HTR1F: variants seen among roughly 807,000 people sequenced by gnomAD.
HTR1F encodes 5-hydroxytryptamine receptor 1F, also known as 5-hydroxytryptamine (serotonin) receptor 1F, G protein-coupled.
A neutral mutation model predicts 24.0 loss-of-function variants in HTR1F; 17 were observed. The observed-to-expected ratio is 0.71, with a 90% CI of 0.48 to 1.06. The LOEUF (loss-of-function observed/expected upper bound fraction) is 1.06. Ranked by LOEUF, HTR1F falls within the 50% of genes least tolerant of loss-of-function variation. HTR1F has a pLI of 0.00. For missense variants in HTR1F, 391 were observed against 427.8 expected (o/e 0.91, Z 0.76); for synonymous variants, 186 against 156.8 (o/e 1.19, Z -1.39).
chr3:87,810,627 C>G (rs1704144332), intron 1 of HTR1F, among the ~76,000 whole-genome samples: 1 of 152,126 alleles, frequency 6.6e-6, no homozygotes, highest in African/African-American at 2.4e-5. Context: ...TTCCATCAAA[C>G]TGAATCACAC....
intron 1 of HTR1F, among the ~76,000 whole-genome samples, chr3:87,795,853 A>G (rs1703895709): frequency 6.6e-6 from 1 of 152,216 alleles, no homozygotes; most frequent in Admixed American, 6.5e-5. Context: ...AATGAACAGA[A>G]ATAGGCAAAA....
intron 2 of HTR1F, among the ~76,000 whole-genome samples, chr3:87,919,853 C>A (rs186064805): frequency 6.6e-6 from 1 of 151,964 alleles, no homozygotes; most frequent in Admixed American, 6.6e-5. Flanking sequence ...TTTGATCCAG[C>A]AATCCCACTA....
At chr3:87,890,178 G>T (rs1706045501) in intron 2 of HTR1F, among the ~76,000 whole-genome samples, 2 of 152,160 alleles carry the variant, frequency 1.3e-5, no homozygotes, top group Non-Finnish European at 2.9e-5. Flanking sequence ...TTGATGAAGG[G>T]TTTGCTCTTT....
intron 2 of HTR1F, among the ~76,000 whole-genome samples, chr3:87,835,424 C>T (rs1704664336): frequency 1.3e-5 from 2 of 152,262 alleles, no homozygotes; most frequent in Admixed American, 6.5e-5. Context: ...TGAGCCTGGT[C>T]AAAATGGTTA....
At chr3:87,811,975 T>C (rs1704167940) in intron 1 of HTR1F, among the ~76,000 whole-genome samples, 2 of 152,186 alleles carry the variant, frequency 1.3e-5, no homozygotes, top group African/African-American at 4.8e-5. Context: ...TCATATGCAC[T>C]CTCACCTGCC....
At chr3:87,891,645 C>T (rs1706089399) in intron 2 of HTR1F, among the ~76,000 whole-genome samples, 1 of 152,090 alleles carries the variant, frequency 6.6e-6, no homozygotes. Flanking sequence ...TCTTCTAAAC[C>T]CTCTTTATGT....
chr3:87,969,826 C>T lies in HTR1F; in HGVS notation c.-42-20882C>T, dbSNP rs117708689. Among the ~76,000 whole-genome samples the T allele has an allele frequency of 4.9e-4, 74 of 152,268 alleles. No individual in the cohort carries two copies. The East Asian group carries it at 9.9e-3, about 20-fold the overall frequency. ...ATGTCAAATTGTAGCTTCTATATTT[C>T]CCACGTGTTGTGGGAGGGACCCAGA... On this transcript the variant is annotated intron_variant, in intron 2 of 2. Coordinates refer to ENST00000319595, the MANE Select transcript of HTR1F (RefSeq NM_001322209.2).
chr3:87,918,093 C>A (rs370644355), intron 2 of HTR1F, among the ~76,000 whole-genome samples: 1 of 151,904 alleles, frequency 6.6e-6, no homozygotes, highest in Non-Finnish European at 1.5e-5. Context: ...TGATATACCA[C>A]ATAAACAGCA....
At chr3:87,857,376 A>G (rs1459081440) in intron 2 of HTR1F, among the ~76,000 whole-genome samples, 1 of 152,136 alleles carries the variant, frequency 6.6e-6, no homozygotes, top group African/African-American at 2.4e-5. Context: ...TAGGAAATAG[A>G]TGTTTTTAAA....
At chr3:87,969,357 C>A (rs1705238017) in intron 2 of HTR1F, among the ~76,000 whole-genome samples, 1 of 152,210 alleles carries the variant, frequency 6.6e-6, no homozygotes, top group Non-Finnish European at 1.5e-5. Flanking sequence ...CTGTACCCTG[C>A]AAATCCACAG....
intron 2 of HTR1F, among the ~76,000 whole-genome samples, chr3:87,946,370 G>A (rs1337224776): frequency 6.6e-6 from 1 of 152,136 alleles, no homozygotes; most frequent in Non-Finnish European, 1.5e-5. Flanking sequence ...GGGCCCCAAA[G>A]AGGGTAGCCT....
intron 2 of HTR1F, among the ~76,000 whole-genome samples, chr3:87,853,986 A>G (rs975952226): frequency 6.6e-6 from 1 of 151,820 alleles, no homozygotes; most frequent in African/African-American, 2.4e-5. Context: ...TGCATGAATG[A>G]CTGCTTTTTA....
chr3:87,864,776 A>T (rs1705387802), intron 2 of HTR1F, among the ~76,000 whole-genome samples: 1 of 151,850 alleles, frequency 6.6e-6, no homozygotes, highest in African/African-American at 2.4e-5. Flanking sequence ...AGCACCTGTA[A>T]TCCCCGCTAC....
At chr3:87,861,205 A>C (rs1396182542) in intron 2 of HTR1F, among the ~76,000 whole-genome samples, 1 of 152,162 alleles carries the variant, frequency 6.6e-6, no homozygotes, top group Non-Finnish European at 1.5e-5. Context: ...ATTATATCTA[A>C]GAAAGTATGC....
At chr3:87,931,308 T>C (rs1227417123) in intron 2 of HTR1F, among the ~76,000 whole-genome samples, 5 of 152,142 alleles carry the variant, frequency 3.3e-5, no homozygotes, top group Non-Finnish European at 7.4e-5. Context: ...GTTTGGTTTT[T>C]TGTCCTTGTG....
At chr3:87,968,883 T>C (rs13098473) in intron 2 of HTR1F, among the ~76,000 whole-genome samples, 77,895 of 152,078 alleles carry the variant, frequency 0.51, 22,832 homozygotes, top group South Asian at 0.71. Context: ...GGCCCCCCTG[T>C]TGTATGCAGC....
chr3:87,938,182 C>T lies in HTR1F; in HGVS notation c.-42-52526C>T, dbSNP rs569093280. Among the ~76,000 whole-genome samples, 6 of 152,122 alleles carry T rather than the reference C, an allele frequency of 3.9e-5. No individual in the cohort carries two copies. In the South Asian group the frequency reaches 1.0e-3, roughly 26 times the overall value. ...GAGAGCCAAATCAGGAACACAGTCC[C>T]GTTCACAATTGGCAAAAAGGATAAA... On this transcript the variant is annotated intron_variant, in intron 2 of 2. Coordinates refer to ENST00000319595, the MANE Select transcript of HTR1F (RefSeq NM_001322209.2).
chr3:87,930,674 T>C (rs547175425), intron 2 of HTR1F, among the ~76,000 whole-genome samples: 278 of 152,324 alleles, frequency 1.8e-3, no homozygotes, highest in Admixed American at 4.6e-3. Context: ...TATGTGCTTC[T>C]GGATTCAGCT....
chr3:87,796,866 A>G (rs1385867336), intron 1 of HTR1F, among the ~76,000 whole-genome samples: 4 of 152,222 alleles, frequency 2.6e-5, no homozygotes, highest in Non-Finnish European at 5.9e-5. Context: ...ATATGCTTGC[A>G]CTTAAGTAAA....
Sources: allele counts gnomAD v4.1 joint callset (sites outside exome capture counted in the v4.1 genomes callset), GRCh38; gene constraint gnomAD v4.1.1; transcripts MANE v1.5; gene names NCBI Gene and HGNC (gene_info 2026-07-23, HGNC 2026-07-21).